GCM2: variants seen among roughly 807,000 people sequenced by gnomAD.
GCM2 encodes the protein GCM transcription factor 2.
A neutral mutation model predicts 24.8 loss-of-function variants in GCM2; 21 were observed. That is an observed-to-expected ratio of 0.85 (90% CI 0.60 to 1.22). GCM2 has a LOEUF of 1.22. Ranked by LOEUF, GCM2 falls within the 50% of genes most tolerant of loss-of-function variation. The pLI is 0.00. For synonymous variants in GCM2, 222 were observed against 238.0 expected (o/e 0.93, Z 0.62); for missense variants, 532 against 645.6 (o/e 0.82, Z 1.91).
Position 10,877,308 on chromosome 6 carries a change from G to A in GCM2, c.175C>T (p.Arg59Cys), listed in dbSNP as rs536383767. 38 of 1,614,184 alleles carry A rather than the reference G, an allele frequency of 2.4e-5. No homozygotes were observed. Among genetic ancestry groups the A allele is most frequent in the Admixed American group, 1.8e-4 (11 of 60,014 alleles). ...IYSSDEKKAQRHLSGWAMRNT... is the reference protein window; with the variant it reads ...IYSSDEKKAQCHLSGWAMRNT... The stretch of plus-strand genomic sequence containing the variant: ...CGCATGGCCCAGCCGCTCAGGTGAC[G>A]CTGTGCCTTCTTCTCATCGCTGCTG... The change falls in exon 2 of 5, where the codon CGT becomes TGT. Residue 59 changes from arginine to cysteine, a missense_variant. Coordinates refer to ENST00000379491, the MANE Select transcript of GCM2 (RefSeq NM_004752.4).
chr6:10,876,709 C>G, intron 2 of GCM2, 152 bp from the exon 3 acceptor site: 1 of 679,516 alleles, frequency 1.5e-6, no homozygotes, highest in African/African-American at 1.8e-5. Flanking sequence ...GCGGGTGGAT[C>G]ACTTGAGGTC....
At position 10,875,386 on chromosome 6, in the gene GCM2, A is replaced by G. The variant is rs139533268; in HGVS notation, c.583-453T>C. 5.5e-3 allele frequency among the ~76,000 whole-genome samples: 840 copies of G among 152,326 alleles called. 5 individuals carry two copies. Among genetic ancestry groups the G allele is most frequent in the African/African-American group, 0.019 (780 of 41,572 alleles). ...GTTTCTGCAACCATTAAATGTGTGA[A>G]ACTCTTAGACCAGTGCCTGGCACAT... On this transcript the variant is annotated intron_variant, in intron 4 of 4. Coordinates refer to ENST00000379491, the MANE Select transcript of GCM2 (RefSeq NM_004752.4).
At chr6:10,880,353 G>A (rs558366840) in intron 1 of GCM2, among the ~76,000 whole-genome samples, 1 of 152,174 alleles carries the variant, frequency 6.6e-6, no homozygotes, top group East Asian at 1.9e-4. Context: ...ATCCAAAAAA[G>A]TGCTGACCTC....
intron 1 of GCM2, among the ~76,000 whole-genome samples, chr6:10,880,114 G>T (rs1779937677): frequency 6.6e-6 from 1 of 152,104 alleles, no homozygotes; most frequent in Admixed American, 6.6e-5. Flanking sequence ...AATTAGCTGG[G>T]CGTGGTGGCG....
chr6:10,875,242 C>T (rs777869957), intron 4 of GCM2, among the ~76,000 whole-genome samples: 7 of 152,188 alleles, frequency 4.6e-5, no homozygotes, highest in African/African-American at 9.7e-5. Flanking sequence ...AGGAGCCACA[C>T]GGGCCTGGGT....
chr6:10,881,668 G>C, intron 1 of GCM2, 36 bp downstream of exon 1: 1 of 1,499,542 alleles, frequency 6.7e-7, no homozygotes, highest in South Asian at 1.1e-5. Flanking sequence ...CGGATGGACA[G>C]CGCCCCGCGT....
Position 10,873,693 on chromosome 6 carries a change from G to A in GCM2, c.*302C>T. 2.4e-6 allele frequency: 1 copy of A among 410,186 alleles called. No homozygotes were observed. Among genetic ancestry groups the A allele is most frequent in the East Asian group, 5.5e-5 (1 of 18,114 alleles). 25.4% of individuals were successfully genotyped at this position (410,186 alleles called of 1,614,324 possible). On this transcript the variant is annotated 3_prime_UTR_variant, in exon 5 of 5. Coordinates refer to ENST00000379491, the MANE Select transcript of GCM2 (RefSeq NM_004752.4). ...CCTTGACTTCTACTCCTGCTAATAA[G>A]CTAAGTGAACTTAGGTCAGTATTTA...
chr6:10,880,818 G>A (rs928530983), intron 1 of GCM2, among the ~76,000 whole-genome samples: 2 of 152,170 alleles, frequency 1.3e-5, no homozygotes, highest in Non-Finnish European at 2.9e-5. Context: ...TCCTTCCTCT[G>A]AGCAGTTAGG....
Position 10,876,563 on chromosome 6 carries a change from A to G in GCM2, c.344-6T>C. On this transcript the variant is annotated splice_region_variant and splice_polypyrimidine_tract_variant and intron_variant, in intron 2 of 4. Coordinates refer to ENST00000379491, the MANE Select transcript of GCM2 (RefSeq NM_004752.4). ...ACAGTTAGGGCATGCCTTCTCTGCA[A>G]AGCCCAGAAGGGAGAAATATTAACC... 1 of 1,556,972 alleles carries G rather than the reference A, an allele frequency of 6.4e-7. No individual in the cohort carries two copies. The highest frequency in any genetic ancestry group is 8.9e-7 in the Non-Finnish European group (1 of 1,127,920).
At position 10,874,121 on chromosome 6, in the gene GCM2, G is replaced by A. The variant is rs139538731; in HGVS notation, c.1395C>T (p.His465=). 3.2e-4 allele frequency: 510 copies of A among 1,614,042 alleles called. 3 individuals are homozygous for A. The highest frequency in any genetic ancestry group is 3.5e-4 in the Non-Finnish European group (413 of 1,180,028). The change falls in exon 5 of 5, where the codon CAC becomes CAT. Residue 465 remains histidine (H), a synonymous_variant. Transcript: ENST00000379491. ...CATCTGTCCTAGAGGAAACTGGCTC[G>A]TGGGGAATAGCCACAGTGGGTCTGA... ...RAIRPTVAIP[H]EPVSSRTDEA...
intron 1 of GCM2, among the ~76,000 whole-genome samples, chr6:10,878,040 C>A (rs1332586577): frequency 6.6e-6 from 1 of 152,112 alleles, no homozygotes; most frequent in African/African-American, 2.4e-5. Context: ...ACTTGGCTCT[C>A]CAAGTTTAAA....
In GCM2 at chr6:10,873,966, C is replaced by A; in HGVS notation, c.*29G>T. 3 of 1,538,194 alleles carry A rather than the reference C, an allele frequency of 2.0e-6. No homozygotes were observed. Among genetic ancestry groups the A allele is most frequent in the Non-Finnish European group, 2.7e-6 (3 of 1,111,024 alleles). ...TTTCCCTGCCTCCTGCCTGCATGCA[C>A]ACTGCTATTATGTCCCCTGGATTGT... On this transcript the variant is annotated 3_prime_UTR_variant, in exon 5 of 5. Coordinates refer to ENST00000379491, the MANE Select transcript of GCM2 (RefSeq NM_004752.4).
At chr6:10,878,705 G>A (rs1779916804) in intron 1 of GCM2, among the ~76,000 whole-genome samples, 1 of 152,186 alleles carries the variant, frequency 6.6e-6, no homozygotes, top group Non-Finnish European at 1.5e-5. Context: ...AGTATGACCT[G>A]CAAAGCCATA....
intron 1 of GCM2, among the ~76,000 whole-genome samples, chr6:10,880,794 A>C (rs567061622): frequency 6.6e-6 from 1 of 152,322 alleles, no homozygotes; most frequent in Admixed American, 6.5e-5. Flanking sequence ...CCTTGTTGGC[A>C]TGACTATGGG....
At chr6:10,875,388 C>A (rs1035864950) in intron 4 of GCM2, among the ~76,000 whole-genome samples, 6 of 152,196 alleles carry the variant, frequency 3.9e-5, no homozygotes, top group African/African-American at 1.4e-4. Context: ...ATGTGTGAAA[C>A]TCTTAGACCA....
chr6:10,874,326 G>A lies in GCM2; in HGVS notation c.1190C>T (p.Pro397Leu), dbSNP rs1561671199. The change falls in exon 5 of 5, where the codon CCT becomes CTT. Residue 397 changes from proline to leucine, a missense_variant. By Grantham distance (98) the Pro-to-Leu change is moderately conservative. Transcript: ENST00000379491. ...TKVSYQAYQP[P>L]AMKYSDSVRE... ...CACACTGTCACTGTATTTCATAGCA[G>A]GGGGCTGGTAGGCCTGGTAGGACAC... is the stretch of plus-strand genomic sequence containing the variant. 3 of 1,613,138 alleles carry A rather than the reference G, an allele frequency of 1.9e-6. No homozygotes were observed. The highest frequency in any genetic ancestry group is 2.5e-6 in the Non-Finnish European group (3 of 1,179,210).
In GCM2 at chr6:10,874,446, C is replaced by T. The variant is rs1391722746; in HGVS notation, c.1070G>A (p.Arg357His). The stretch of plus-strand genomic sequence containing the variant: ...GGGAAGCTCTGGGTTATAATAAGGG[C>T]GAGTGGCCATGGCCTGAAACTGCCC... The part of the protein sequence containing the change: ...NHGQFQAMAT[R>H]PYYNPELPCR... The change falls in exon 5 of 5, where the codon CGC becomes CAC. Residue 357 changes from arginine to histidine, a missense_variant. This residue lies in a region of GCM2 where 434 missense variants were observed against 521.9 expected (regional missense o/e 0.83). Transcript: ENST00000379491. The T allele has an allele frequency of 1.1e-5, 17 of 1,614,118 alleles. No individual in the cohort carries two copies. The highest frequency in any genetic ancestry group is 4.0e-5 in the African/African-American group (3 of 75,030).
intron 4 of GCM2, among the ~76,000 whole-genome samples, chr6:10,875,508 G>A (rs918899788): frequency 2.0e-5 from 3 of 152,174 alleles, no homozygotes; most frequent in South Asian, 2.1e-4. Context: ...ATTAAATTGC[G>A]CAGAGAAATT....
chr6:10,874,886 G>A lies in GCM2; in HGVS notation c.630C>T (p.Pro210=), dbSNP rs1432011721. ...TATCAAAGTCTTCTGGATTTTCCAA[G>A]GGAGGTATGTTGCTGAAATGACCAC... is the stretch of plus-strand genomic sequence containing the variant. ...DSSGHFSNIP[P]LENPEDFDIV... is the part of the protein sequence containing the mutation. The change falls in exon 5 of 5, where the codon CCC becomes CCT. Residue 210 remains proline, a synonymous_variant. Transcript: ENST00000379491. 2 of 1,614,006 alleles carry A rather than the reference G, an allele frequency of 1.2e-6. No individual in the cohort carries two copies. Among genetic ancestry groups the A allele is most frequent in the African/African-American group, 1.3e-5 (1 of 74,932 alleles).
Sources: allele counts gnomAD v4.1 joint callset (sites outside exome capture counted in the v4.1 genomes callset), GRCh38; gene constraint gnomAD v4.1.1; regional missense constraint gnomAD v4.1.1; transcripts MANE v1.5; gene names NCBI Gene and HGNC (gene_info 2026-07-23, HGNC 2026-07-21).